Variants in PCDH7 observed in about 807,000 individuals in gnomAD.
PCDH7 encodes protocadherin-7.
A neutral mutation model predicts 58.9 loss-of-function variants in PCDH7; 17 were observed. That is an observed-to-expected ratio of 0.29 (90% CI 0.20 to 0.43). The LOEUF (loss-of-function observed/expected upper bound fraction) is 0.43. Among genes scored for constraint, PCDH7 ranks in the 20% least tolerant of loss-of-function variants. The probability of loss-of-function intolerance (pLI) is 1.00; values close to 1 mark genes in which losing one functional copy is unlikely to be tolerated. For synonymous variants in PCDH7, 664 were observed against 616.4 expected (o/e 1.08, Z -1.14); for missense variants, 1,274 against 1,441.0 (o/e 0.88, Z 1.88).
chr4:30,994,778 A>G (rs1751733393), intron 3 of PCDH7, among the ~76,000 whole-genome samples: 1 of 152,190 alleles, frequency 6.6e-6, no homozygotes, highest in Non-Finnish European at 1.5e-5. Flanking sequence ...TTAAACTTAT[A>G]GTTTTCTAAT....
At chr4:30,846,359 C>A (rs1347695550) in intron 1 of PCDH7, among the ~76,000 whole-genome samples, 1 of 152,082 alleles carries the variant, frequency 6.6e-6, no homozygotes, top group Non-Finnish European at 1.5e-5. Flanking sequence ...ATGAATCTGG[C>A]CTCCTTGCTC....
intron 3 of PCDH7, 82 bp from the exon 3 acceptor site, chr4:31,142,391 A>G (rs1035680435): frequency 8.9e-7 from 1 of 1,122,024 alleles, no homozygotes. Flanking sequence ...ATATATTTAT[A>G]TATTTCCTCT....
At chr4:30,780,687 T>C (rs750072152) in intron 1 of PCDH7, among the ~76,000 whole-genome samples, 11 of 152,232 alleles carry the variant, frequency 7.2e-5, no homozygotes, top group Non-Finnish European at 1.2e-4. Context: ...TTTATTTGAA[T>C]ACTCTGTCTT....
chr4:30,904,374 GGTGAATA>G (rs1740637113), intron 1 of PCDH7, among the ~76,000 whole-genome samples: 2 of 151,984 alleles, frequency 1.3e-5, no homozygotes, highest in South Asian at 4.2e-4. Flanking sequence ...AACTACCCAT[GGTGAATA>G]GAATCCTCAC....
chr4:30,846,090 T>G (rs1731908166), intron 1 of PCDH7, among the ~76,000 whole-genome samples: 1 of 152,180 alleles, frequency 6.6e-6, no homozygotes, highest in Admixed American at 6.5e-5. Context: ...AAATTTTACT[T>G]ATAGTGATAG....
chr4:31,089,319 T>G (rs1712914026), intron 3 of PCDH7, among the ~76,000 whole-genome samples: 1 of 152,050 alleles, frequency 6.6e-6, no homozygotes, highest in African/African-American at 2.4e-5. Context: ...TTGTAATAAA[T>G]ACAGAAAAAA....
chr4:30,877,974 T>C (rs564979034), intron 1 of PCDH7, among the ~76,000 whole-genome samples: 3 of 152,132 alleles, frequency 2.0e-5, no homozygotes, highest in Non-Finnish European at 2.9e-5. Context: ...ATGAGAAAAA[T>C]GAGGTAGAAG....
intron 3 of PCDH7, among the ~76,000 whole-genome samples, chr4:30,998,466 G>A (rs1191442780): frequency 6.6e-6 from 1 of 152,090 alleles, no homozygotes; most frequent in Non-Finnish European, 1.5e-5. Flanking sequence ...ATATAATGCA[G>A]TACATGTGGG....
At position 30,723,238 on chromosome 4, in the gene PCDH7, G is replaced by A. The variant is rs573522718; in HGVS notation, c.1816G>A (p.Glu606Lys). 4.3e-6 allele frequency: 7 copies of A among 1,614,226 alleles called. No individual in the cohort carries two copies. In the African/African-American group the frequency reaches 9.3e-5, roughly 22 times the overall value. Reference sequence around the variant, plus strand: ...GGACCGCGAGCAGACTGACAGGTATGAGTTTAAAGTTAACGCCAAAGACAA... The same window carrying A: ...GGACCGCGAGCAGACTGACAGGTATAAGTTTAAAGTTAACGCCAAAGACAA... The change falls in exon 1 of 2, where the codon GAG (glutamate) becomes AAG (lysine). Residue 606 changes from glutamate to lysine, a missense_variant. Coordinates refer to ENST00000361762, the Ensembl canonical transcript of PCDH7. This position sits in a 1 kb window ranked among gnomAD's most constrained non-coding sequence, Gnocchi z 4.6.
chr4:30,971,678 T>C (rs1749601846), intron 3 of PCDH7, among the ~76,000 whole-genome samples: 1 of 152,186 alleles, frequency 6.6e-6, no homozygotes, highest in Admixed American at 6.5e-5. Flanking sequence ...TGTAGGTAAA[T>C]TGTCTACTTT....
At chr4:30,953,929 G>C (rs981485434) in intron 3 of PCDH7, among the ~76,000 whole-genome samples, 1 of 152,040 alleles carries the variant, frequency 6.6e-6, no homozygotes, top group Non-Finnish European at 1.5e-5. Flanking sequence ...TAATTGACTT[G>C]ATTGACTGAT....
chr4:30,835,838 G>A (rs1160309426), intron 1 of PCDH7, among the ~76,000 whole-genome samples: 2 of 152,156 alleles, frequency 1.3e-5, no homozygotes, highest in African/African-American at 4.8e-5. Flanking sequence ...AATGGGAGGA[G>A]GAGGAGGGAG....
At chr4:31,055,197 G>T (rs1302947973) in intron 3 of PCDH7, among the ~76,000 whole-genome samples, 1 of 152,010 alleles carries the variant, frequency 6.6e-6, no homozygotes, top group Non-Finnish European at 1.5e-5. Flanking sequence ...GTGAAATGTT[G>T]TATTTATATA....
At chr4:30,745,849 A>AT (rs199964795) in intron 1 of PCDH7, among the ~76,000 whole-genome samples, 2,577 of 151,670 alleles carry the variant, frequency 0.017, 39 homozygotes, top group South Asian at 0.042. Context: ...ATTACTGTTA[A>AT]TTTTTTTTGA....
At chr4:30,870,196 G>A (rs968045090) in intron 1 of PCDH7, among the ~76,000 whole-genome samples, 39 of 151,956 alleles carry the variant, frequency 2.6e-4, no homozygotes, top group Non-Finnish European at 5.0e-4. Flanking sequence ...CCTCTGTCAA[G>A]TGGATAGAAT....
chr4:31,003,979 G>A (rs764112877), intron 3 of PCDH7, among the ~76,000 whole-genome samples: 1 of 152,022 alleles, frequency 6.6e-6, no homozygotes, highest in Non-Finnish European at 1.5e-5. Context: ...AGCATTTTAG[G>A]TTGTCTAGGA....
intron 3 of PCDH7, among the ~76,000 whole-genome samples, chr4:31,027,615 G>T (rs939056494): frequency 6.6e-6 from 1 of 151,906 alleles, no homozygotes; most frequent in Non-Finnish European, 1.5e-5. Context: ...TAGATATGGG[G>T]TTTCACCATG....
chr4:30,845,121 TG>T (rs1731743832), intron 1 of PCDH7, among the ~76,000 whole-genome samples: 1 of 152,172 alleles, frequency 6.6e-6, no homozygotes, highest in African/African-American at 2.4e-5. Context: ...GCAGTAATGG[TG>T]AATTATGCGG....
chr4:30,831,561 C>T (rs1225178123), intron 1 of PCDH7, among the ~76,000 whole-genome samples: 1 of 152,096 alleles, frequency 6.6e-6, no homozygotes, highest in Non-Finnish European at 1.5e-5. Context: ...TATGTAAATA[C>T]ACCACAAAAC....
Sources: gnomAD v4.1 joint callset for allele counts (sites outside exome capture counted in the v4.1 genomes callset) on GRCh38, gnomAD v4.1.1 for gene constraint, Gnocchi (gnomAD v3.1) non-coding constraint, MANE v1.5 for transcripts, NCBI Gene and HGNC (gene_info 2026-07-23, HGNC 2026-07-21) for gene names.